The following VDAC1 variants were observed in gnomAD, a reference collection of about 807,000 sequenced individuals.
VDAC1 encodes non-selective voltage-gated ion channel VDAC1.
In VDAC1, 10 loss-of-function variants were observed where a neutral mutation model predicts 34.7. That is an observed-to-expected ratio of 0.29 (90% CI 0.18 to 0.49). The LOEUF is 0.49. VDAC1 is among the 20% of genes least tolerant of loss of function. The probability of loss-of-function intolerance (pLI) is 0.99; values close to 1 mark genes in which losing one functional copy is unlikely to be tolerated. For missense variants in VDAC1, 230 were observed against 347.9 expected, an observed-to-expected ratio of 0.66 and a Z score of 2.69; for synonymous variants, 130 against 136.0, an observed-to-expected ratio of 0.96 and a Z score of 0.30.
chr5:134,026,516 GAA>G, the VDAC1 span, among the ~76,000 whole-genome samples: 21,711 of 71,532 alleles, frequency 0.3, 986 homozygotes, highest in Admixed American at 0.37. Context: ...CTCCGTCTCA[GAA>G]AAAAAAAAAA....
At chr5:134,089,908 C>T in the VDAC1 span, among the ~76,000 whole-genome samples, 1 of 152,170 alleles carries the variant, frequency 6.6e-6, no homozygotes, top group Admixed American at 6.5e-5. Flanking sequence ...AGGAGAATGG[C>T]TTGAACCTGG....
chr5:133,972,595 G>A lies in VDAC1; in HGVS notation c.*176C>T. 1 of 543,244 alleles carries A rather than the reference G, an allele frequency of 1.8e-6. No individual in the cohort carries two copies. Among genetic ancestry groups the A allele is most frequent in the Non-Finnish European group, 3.2e-6 (1 of 315,136 alleles). 33.7% of individuals were successfully genotyped at this position (543,244 alleles called of 1,614,324 possible). Reference sequence around the variant, plus strand: ...CTGAAAGGACCTTTTTTGGAAATAGGTTTCTTCTGTACCTCTGGAAGGGTA... The same window carrying A: ...CTGAAAGGACCTTTTTTGGAAATAGATTTCTTCTGTACCTCTGGAAGGGTA... On this transcript the variant is annotated 3_prime_UTR_variant, in exon 9 of 9. Transcript: ENST00000265333.
At chr5:134,098,471 T>G in the VDAC1 span, among the ~76,000 whole-genome samples, 1 of 150,840 alleles carries the variant, frequency 6.6e-6, no homozygotes, top group Non-Finnish European at 1.5e-5. Context: ...GTGATCTGCC[T>G]GCCTCAGCCT....
At chr5:134,056,286 T>C in the VDAC1 span, among the ~76,000 whole-genome samples, 3 of 151,512 alleles carry the variant, frequency 2.0e-5, no homozygotes, top group African/African-American at 4.8e-5. Context: ...CTGTGATTTA[T>C]TTTTACCTTA....
intron 5 of VDAC1, among the ~76,000 whole-genome samples, chr5:133,989,693 G>A (rs1455401880): frequency 2.8e-5 from 4 of 143,980 alleles, no homozygotes; most frequent in Admixed American, 1.4e-4. Context: ...ATGGAGTTTC[G>A]CTCTTCTTGC....
chr5:134,102,258 G>C, the VDAC1 span, among the ~76,000 whole-genome samples: 3 of 152,148 alleles, frequency 2.0e-5, no homozygotes, highest in Non-Finnish European at 4.4e-5. Context: ...GGGCCACAGG[G>C]TCATCCGGGG....
chr5:133,992,440 T>G, intron 2 of VDAC1, 85 bp from the exon 3 acceptor site: 1 of 1,099,612 alleles, frequency 9.1e-7, no homozygotes, highest in Non-Finnish European at 1.3e-6. Flanking sequence ...TTCAGGATGC[T>G]TTTTTAAAAA....
chr5:134,101,399 G>A, the VDAC1 span, among the ~76,000 whole-genome samples: 3,904 of 152,154 alleles, frequency 0.026, 172 homozygotes, highest in African/African-American at 0.09. Flanking sequence ...AGACCAGCCC[G>A]GCCAACATGG....
chr5:134,075,747 C>T, the VDAC1 span, among the ~76,000 whole-genome samples: 2 of 151,918 alleles, frequency 1.3e-5, no homozygotes, highest in East Asian at 3.9e-4. Context: ...CCAGGCCCGG[C>T]TAATTTTTTG....
the VDAC1 span, among the ~76,000 whole-genome samples, chr5:134,022,294 A>C: frequency 6.6e-6 from 1 of 152,218 alleles, no homozygotes; most frequent in Non-Finnish European, 1.5e-5. Context: ...ATTTACATCC[A>C]TGTCTTCATT....
At chr5:133,998,518 G>C (rs1023762246) in intron 1 of VDAC1, among the ~76,000 whole-genome samples, 4 of 152,114 alleles carry the variant, frequency 2.6e-5, no homozygotes, top group African/African-American at 9.7e-5. Flanking sequence ...CTGGGTGACA[G>C]AGCGAGAGAC....
the VDAC1 span, among the ~76,000 whole-genome samples, chr5:134,068,057 G>T: frequency 6.6e-6 from 1 of 152,160 alleles, no homozygotes; most frequent in Non-Finnish European, 1.5e-5. Flanking sequence ...GGTGGAGGTT[G>T]CAGTAAGCAG....
At chr5:134,009,180 C>G (rs1445800093), upstream of VDAC1, among the ~76,000 whole-genome samples, 1 of 147,592 alleles carries the variant, frequency 6.8e-6, no homozygotes. Context: ...TATATATACA[C>G]AGAGAGACAA....
the VDAC1 span, among the ~76,000 whole-genome samples, chr5:134,028,567 C>T: frequency 0.37 from 56,045 of 152,066 alleles, 10,757 homozygotes; most frequent in Admixed American, 0.46. Context: ...TTGTTCATTT[C>T]TTCTGTGGGA....
intron 5 of VDAC1, among the ~76,000 whole-genome samples, 160 bp downstream of exon 5, chr5:133,990,695 C>T (rs187693802): frequency 4.5e-4 from 68 of 152,238 alleles, no homozygotes; most frequent in African/African-American, 1.5e-3. Context: ...GATGTGGATA[C>T]GACCCCTGGG....
the VDAC1 span, among the ~76,000 whole-genome samples, chr5:134,023,642 CT>C: frequency 2.1e-3 from 327 of 152,290 alleles, 3 homozygotes; most frequent in African/African-American, 7.6e-3. Context: ...GCCAGGCCCT[CT>C]TCTAGGTGTT....
chr5:134,059,983 T>A, the VDAC1 span, among the ~76,000 whole-genome samples: 1 of 151,570 alleles, frequency 6.6e-6, no homozygotes, highest in Non-Finnish European at 1.5e-5. Flanking sequence ...ACTCTGAGCA[T>A]CTCTAAAATC....
intron 5 of VDAC1, among the ~76,000 whole-genome samples, chr5:133,987,291 G>T (rs2126954514): frequency 6.6e-6 from 1 of 152,092 alleles, no homozygotes; most frequent in African/African-American, 2.4e-5. Context: ...AGCCAGGGAG[G>T]CAGAGGTTGC....
chr5:134,074,000 C>G, the VDAC1 span, among the ~76,000 whole-genome samples: 1 of 152,216 alleles, frequency 6.6e-6, no homozygotes. Context: ...ATATATGTCA[C>G]TGAAAGTCAG....
Sources: allele counts gnomAD v4.1 joint callset (sites outside exome capture counted in the v4.1 genomes callset), GRCh38; gene constraint gnomAD v4.1.1; transcripts MANE v1.5; gene names NCBI Gene and HGNC (gene_info 2026-07-23, HGNC 2026-07-21).